NRG1: variants seen among roughly 807,000 people sequenced by gnomAD.
NRG1 encodes the protein pro-neuregulin-1, membrane-bound isoform.
Under a neutral mutation model 63.8 loss-of-function variants are expected in NRG1, and 18 were observed. The ratio of observed to expected loss-of-function variants is 0.28; its 90% CI spans 0.19 to 0.42. NRG1 has a LOEUF of 0.42. Among genes scored for constraint, NRG1 ranks in the 10% least tolerant of loss-of-function variants. NRG1 has a pLI of 1.00. For missense variants in NRG1, 762 were observed against 814.7 expected (o/e 0.94, Z 0.79); for synonymous variants, 302 against 301.3 (o/e 1.00, Z -0.02).
rs923023633 is a variant in NRG1, at chr8:32,625,984, G to A, written c.502+9099G>A. On this transcript the variant is annotated intron_variant, in intron 5 of 11. Transcript: ENST00000356819. Reference sequence around the variant, plus strand: ...AATTTTTGTATTATTAGTAGAGATGGGGTTTCACCATGTTGGCCAGGCTGG... The same window carrying A: ...AATTTTTGTATTATTAGTAGAGATGAGGTTTCACCATGTTGGCCAGGCTGG... Among the ~76,000 whole-genome samples the A allele has an allele frequency of 2.0e-5, 3 of 151,708 alleles. No homozygotes were observed. The East Asian group carries it at 5.8e-4, about 30-fold the overall frequency.
intron 5 of NRG1, among the ~76,000 whole-genome samples, chr8:32,625,583 T>C (rs1849070555): frequency 6.6e-6 from 1 of 152,206 alleles, no homozygotes; most frequent in Non-Finnish European, 1.5e-5. Context: ...TAATCAGTCT[T>C]TCCTTTAAAT....
intron 1 of NRG1, among the ~76,000 whole-genome samples, chr8:32,326,018 T>G (rs1250423437): frequency 1.3e-5 from 2 of 151,834 alleles, no homozygotes; most frequent in Non-Finnish European, 2.9e-5. Flanking sequence ...GTCACTTTTT[T>G]TTTTTTTTTT....
At chr8:32,090,112 A>G (rs530364583) in intron 1 of NRG1, among the ~76,000 whole-genome samples, 32 of 152,324 alleles carry the variant, frequency 2.1e-4, no homozygotes, top group South Asian at 6.2e-4. Context: ...CTTAAAGGTT[A>G]TAAGATACTG....
At chr8:31,840,051 G>A (rs73576530) in intron 1 of NRG1, among the ~76,000 whole-genome samples, 524 of 152,256 alleles carry the variant, frequency 3.4e-3, no homozygotes, top group African/African-American at 0.012. Context: ...GAGCGTCCCC[G>A]CAAGCAGAGC....
At chr8:32,677,472 C>T (rs759865499) in intron 5 of NRG1, among the ~76,000 whole-genome samples, 4 of 151,986 alleles carry the variant, frequency 2.6e-5, no homozygotes, top group Admixed American at 6.6e-5. Context: ...GCCTGAGCAA[C>T]ATGGGGAGAT....
At chr8:32,012,836 G>C (rs1284843398) in intron 1 of NRG1, among the ~76,000 whole-genome samples, 5 of 152,118 alleles carry the variant, frequency 3.3e-5, no homozygotes, top group African/African-American at 1.2e-4. Context: ...ATAATATTTG[G>C]TGGGCTATGT....
intron 1 of NRG1, among the ~76,000 whole-genome samples, chr8:32,376,500 C>T (rs974725593): frequency 2.0e-5 from 3 of 152,094 alleles, no homozygotes; most frequent in Admixed American, 1.3e-4. Flanking sequence ...AATAAGAGTT[C>T]GAGATCAATA....
chr8:31,983,600 T>G lies in NRG1; in HGVS notation c.37+344169T>G, dbSNP rs1485969510. 2.6e-5 allele frequency among the ~76,000 whole-genome samples: 4 copies of G among 152,020 alleles called. No homozygotes were observed. The East Asian group carries it at 7.7e-4, about 29-fold the overall frequency. ...TCTTGCTATGTTTCCCAGGCTAGTC[T>G]CAAACTCCAGGGTTCATGTGATGTG... On this transcript the variant is annotated intron_variant, in intron 1 of 10. Transcript: ENST00000519301.
chr8:31,723,274 A>T (rs1241195270), intron 1 of NRG1, among the ~76,000 whole-genome samples: 1 of 152,196 alleles, frequency 6.6e-6, no homozygotes, highest in Non-Finnish European at 1.5e-5. Context: ...TGTGTTAACC[A>T]GGGGTAGGTA....
At position 31,757,563 on chromosome 8, in the gene NRG1, C is replaced by A. The variant is rs182427116; in HGVS notation, c.37+118132C>A. Among the ~76,000 whole-genome samples, 343 of 152,032 alleles carry A rather than the reference C, an allele frequency of 2.3e-3. 2 individuals carry two copies. The highest frequency in any genetic ancestry group is 6.9e-3 in the African/African-American group (287 of 41,494). On this transcript the variant is annotated intron_variant, in intron 1 of 10. Transcript: ENST00000519301. ...TTCTCATGGGCAGCCTAGAAAAATG[C>A]CACACCAAGACTCAAGAAATTACAT... is the stretch of plus-strand genomic sequence containing the variant.
intron 1 of NRG1, among the ~76,000 whole-genome samples, chr8:32,043,106 A>G (rs937559767): frequency 3.9e-5 from 6 of 152,040 alleles, no homozygotes; most frequent in Non-Finnish European, 5.9e-5. Flanking sequence ...AGAAAACTCA[A>G]AATAAACACA....
At chr8:31,775,540 C>T (rs572328817) in intron 1 of NRG1, among the ~76,000 whole-genome samples, 15 of 152,302 alleles carry the variant, frequency 9.8e-5, no homozygotes, top group African/African-American at 3.6e-4. Context: ...CTCACCACTA[C>T]ACAGTATATC....
chr8:32,114,639 T>C (rs920433485), intron 1 of NRG1, among the ~76,000 whole-genome samples: 1 of 152,190 alleles, frequency 6.6e-6, no homozygotes, highest in African/African-American at 2.4e-5. Flanking sequence ...CTACTTCTTA[T>C]CTATTTCATC....
At chr8:32,404,014 C>A (rs1813595323) in intron 1 of NRG1, among the ~76,000 whole-genome samples, 1 of 152,204 alleles carries the variant, frequency 6.6e-6, no homozygotes, top group Non-Finnish European at 1.5e-5. Context: ...CATTACCATG[C>A]ACCTTACACT....
chr8:32,706,553 GT>G (rs1462977736), intron 5 of NRG1, among the ~76,000 whole-genome samples: 1 of 8,358 alleles, frequency 1.2e-4, no homozygotes, highest in Non-Finnish European at 1.4e-3. Flanking sequence ...GTATATATAG[GT>G]GTGTGTGTGT....
chr8:31,789,604 G>T (rs376155633), intron 1 of NRG1, among the ~76,000 whole-genome samples: 3 of 152,146 alleles, frequency 2.0e-5, no homozygotes, highest in African/African-American at 7.2e-5. Flanking sequence ...GTTGAGCCCC[G>T]AGTAAGTGAG....
At chr8:32,078,430 C>G (rs1826937508) in intron 1 of NRG1, among the ~76,000 whole-genome samples, 1 of 152,162 alleles carries the variant, frequency 6.6e-6, no homozygotes, top group Non-Finnish European at 1.5e-5. Context: ...CCAAATCAAC[C>G]ACTTTTCTTT....
At chr8:31,660,940 C>A (rs1805930988) in intron 1 of NRG1, among the ~76,000 whole-genome samples, 1 of 151,972 alleles carries the variant, frequency 6.6e-6, no homozygotes, top group East Asian at 1.9e-4. Context: ...TAATAGTGAC[C>A]ACCCATTAAA....
At chr8:31,661,409 C>A (rs1419896276) in intron 1 of NRG1, among the ~76,000 whole-genome samples, 1 of 152,168 alleles carries the variant, frequency 6.6e-6, no homozygotes, top group South Asian at 2.1e-4. Context: ...CCATTTATTT[C>A]TAAATTTTTA....
Sources: allele counts gnomAD v4.1 joint callset (sites outside exome capture counted in the v4.1 genomes callset), GRCh38; gene constraint gnomAD v4.1.1; transcripts MANE v1.5; gene names NCBI Gene and HGNC (gene_info 2026-07-23, HGNC 2026-07-21).